The following BAG4 variants were observed in gnomAD, a reference collection of about 807,000 sequenced individuals.
BAG4 encodes BAG family molecular chaperone regulator 4.
In BAG4, 28 loss-of-function variants were observed where a neutral mutation model predicts 52.1. That is an observed-to-expected ratio of 0.54 (90% CI 0.40 to 0.74). BAG4 has a LOEUF of 0.74. Among genes scored for constraint, BAG4 ranks in the 30% least tolerant of loss-of-function variants. The pLI is 0.00. For missense variants in BAG4, 525 were observed against 572.0 expected, an observed-to-expected ratio of 0.92 and a Z score of 0.84; for synonymous variants, 208 against 217.0, an observed-to-expected ratio of 0.96 and a Z score of 0.37.
chr8:38,210,256 T>C lies in BAG4; in HGVS notation c.1137T>C (p.Ser379=), dbSNP rs1803844501. Residue 379 remains serine (S), a synonymous_variant, in exon 5 of 5, where the codon AGT becomes AGC. Transcript: ENST00000287322. The stretch of plus-strand genomic sequence containing the variant: ...CTTCAGATGAAAGTACTCCTCCGAG[T>C]ATTAAAAAAATCATACATGTGCTGG... ...CVPSDESTPP[S]IKKIIHVLEK... The C allele has an allele frequency of 6.2e-7, 1 of 1,613,920 alleles. No homozygotes were observed. Among genetic ancestry groups the C allele is most frequent in the African/African-American group, 1.3e-5 (1 of 74,864 alleles).
intron 1 of BAG4, among the ~76,000 whole-genome samples, chr8:38,186,747 G>T (rs1334153300): frequency 6.6e-6 from 1 of 152,130 alleles, no homozygotes; most frequent in Non-Finnish European, 1.5e-5. Flanking sequence ...CAATCAGCTG[G>T]AAATTAGTGA....
Position 38,209,225 on chromosome 8 carries a change from C to G in BAG4, c.846C>G (p.Gly282=). 6.2e-7 allele frequency: 1 copy of G among 1,614,188 alleles called. No homozygotes were observed. Among genetic ancestry groups the G allele is most frequent in the South Asian group, 1.1e-5 (1 of 91,084 alleles). ...GTACTTCACCATGGCCTAGCAGTGG[C>G]TCTCCCCAGTCACCCCCTTCACCCC... The part of the protein sequence containing the change: ...TESTSPWPSS[G]SPQSPPSPPV... The change falls in exon 4 of 5, where the codon GGC becomes GGG. Residue 282 remains glycine (G), a synonymous_variant. Transcript: ENST00000287322.
chr8:38,209,494 A>G, intron 4 of BAG4: 1 of 567,304 alleles, frequency 1.8e-6, no homozygotes, highest in Non-Finnish European at 3.0e-6. Flanking sequence ...AGACAGAAAG[A>G]TACACATTTT....
chr8:38,192,383 G>A (rs1238125923), intron 1 of BAG4, among the ~76,000 whole-genome samples: 1 of 152,118 alleles, frequency 6.6e-6, no homozygotes, highest in Non-Finnish European at 1.5e-5. Flanking sequence ...TAGAGCATTT[G>A]ATTTACCATG....
At chr8:38,196,661 A>T (rs1041787090) in intron 2 of BAG4, among the ~76,000 whole-genome samples, 3 of 152,240 alleles carry the variant, frequency 2.0e-5, no homozygotes, top group Admixed American at 6.5e-5. Flanking sequence ...AAAAAAAAAA[A>T]TTATAGCCAT....
In BAG4 at chr8:38,177,556, A is replaced by C. The variant is rs572518298; in HGVS notation, c.270+417A>C. Reference sequence around the variant, plus strand: ...CCGATGCCGCTCAGGGACCCTCCCGAGGGGAAGGAACCTTTGCGAGGAGGA... The same window carrying C: ...CCGATGCCGCTCAGGGACCCTCCCGCGGGGAAGGAACCTTTGCGAGGAGGA... On this transcript the variant is annotated intron_variant, in intron 1 of 4. Coordinates refer to ENST00000287322, the MANE Select transcript of BAG4 (RefSeq NM_004874.4). Among the ~76,000 whole-genome samples the C allele has an allele frequency of 2.0e-5, 3 of 152,258 alleles. No homozygotes were observed. The East Asian group carries it at 5.8e-4, about 29-fold the overall frequency.
intron 3 of BAG4, 51 bp from the exon 4 acceptor site, chr8:38,208,962 T>TTTA: frequency 6.4e-7 from 1 of 1,570,158 alleles, no homozygotes; most frequent in East Asian, 2.3e-5. Flanking sequence ...GCAGAATATT[T>TTTA]TTATTATAAG....
chr8:38,195,147 C>T (rs1803544214), intron 2 of BAG4, among the ~76,000 whole-genome samples: 1 of 150,762 alleles, frequency 6.6e-6, no homozygotes, highest in African/African-American at 2.4e-5. Context: ...AGCCACTGCA[C>T]CTGGCTTTTG....
At chr8:38,198,240 C>T (rs568403768) in intron 2 of BAG4, among the ~76,000 whole-genome samples, 9 of 150,578 alleles carry the variant, frequency 6.0e-5, no homozygotes, top group South Asian at 2.1e-4. Flanking sequence ...AAAAATTAGC[C>T]GGGCGAGGTG....
In BAG4 at chr8:38,177,254, G is replaced by T. The variant is rs1803176055; in HGVS notation, c.270+115G>T. ...ATGTGGAGGAGGGTGTGTTGCGGGG[G>T]GTGTTGGAGAGACCGAGACTAAGAT... is the stretch of plus-strand genomic sequence containing the variant. On this transcript the variant is annotated intron_variant, in intron 1 of 4. Transcript: ENST00000287322. 21 of 1,400,916 alleles carry T rather than the reference G, an allele frequency of 1.5e-5. 1 individual carries two copies. The South Asian group carries it at 2.7e-4, about 18-fold the overall frequency. The allele number at this position is 1,400,916 out of a possible 1,614,324, so 86.8% of individuals were successfully genotyped here. A position where few individuals can be genotyped will look rare whatever the true frequency, so the allele number is the denominator to read the frequency against.
chr8:38,201,850 A>T (rs1803668298), intron 2 of BAG4: 6 of 3,758 alleles, frequency 1.6e-3, no homozygotes, highest in Non-Finnish European at 4.1e-3. Flanking sequence ...ATATATATAT[A>T]TATATATATA....
chr8:38,187,195 G>C (rs1486351615), intron 1 of BAG4, among the ~76,000 whole-genome samples: 1 of 152,120 alleles, frequency 6.6e-6, no homozygotes, highest in Non-Finnish European at 1.5e-5. Context: ...TATGATTAAA[G>C]AAGCAAAGAA....
intron 1 of BAG4, among the ~76,000 whole-genome samples, chr8:38,185,701 G>C (rs1381243412): frequency 6.6e-6 from 1 of 152,062 alleles, no homozygotes; most frequent in Non-Finnish European, 1.5e-5. Flanking sequence ...AGTGGCTGGG[G>C]TTTCAGGTAT....
At chr8:38,200,353 C>T (rs1445772897) in intron 2 of BAG4, among the ~76,000 whole-genome samples, 1 of 152,064 alleles carries the variant, frequency 6.6e-6, no homozygotes, top group Admixed American at 6.5e-5. Flanking sequence ...TATTTCCAGA[C>T]TCTCAATTCT....
intron 1 of BAG4, among the ~76,000 whole-genome samples, chr8:38,190,268 T>A (rs1172437372): frequency 6.6e-6 from 1 of 152,216 alleles, no homozygotes; most frequent in African/African-American, 2.4e-5. Context: ...AGTTTAAAAA[T>A]TAAGATAGTA....
In BAG4 at chr8:38,211,859, T is replaced by C. The variant is rs559277839; in HGVS notation, c.*1366T>C. 8 of 152,266 alleles carry C rather than the reference T, an allele frequency of 5.3e-5. No homozygotes were observed. The highest frequency in any genetic ancestry group is 1.7e-4 in the African/African-American group (7 of 41,584). The allele number at this position is 152,266 out of a possible 1,614,324, so 9.4% of individuals were successfully genotyped here. On this transcript the variant is annotated 3_prime_UTR_variant, in exon 5 of 5. Coordinates refer to ENST00000287322, the MANE Select transcript of BAG4 (RefSeq NM_004874.4). ...TAGAAGAGACTTAGGTAAATAACTT[T>C]TTATGTCTGAGGTGAGTACACAATA...
rs530635719 is a variant in BAG4 at position 38,211,371 on chromosome 8, T to G, written c.*878T>G. On this transcript the variant is annotated 3_prime_UTR_variant, in exon 5 of 5. Coordinates refer to ENST00000287322, the MANE Select transcript of BAG4 (RefSeq NM_004874.4). Reference sequence around the variant, plus strand: ...CTTAAAAGTTATCTGTTTTTTCCTGTTTTTTTTTTTTTTCCCCAAAGTGTA... The same window carrying G: ...CTTAAAAGTTATCTGTTTTTTCCTGGTTTTTTTTTTTTTCCCCAAAGTGTA... 66 of 141,440 alleles carry G rather than the reference T, an allele frequency of 4.7e-4. No individual in the cohort carries two copies. Among genetic ancestry groups the G allele is most frequent in the African/African-American group, 1.5e-3 (60 of 39,010 alleles). 8.8% of individuals were successfully genotyped at this position (141,440 alleles called of 1,614,324 possible).
chr8:38,201,863 TATATATATA>T (rs1803674715), intron 2 of BAG4: 4 of 8,648 alleles, frequency 4.6e-4, no homozygotes, highest in Admixed American at 1.2e-3. Context: ...TATATATATA[TATATATATA>T]TATATATATT....
chr8:38,202,988 CA>C (rs1244368643), intron 2 of BAG4: 1 of 152,122 alleles, frequency 6.6e-6, no homozygotes, highest in African/African-American at 2.4e-5. Context: ...CTCCAAGTGT[CA>C]ACCTAAAATA....
Sources: allele counts gnomAD v4.1 joint callset (sites outside exome capture counted in the v4.1 genomes callset), GRCh38; gene constraint gnomAD v4.1.1; transcripts MANE v1.5; gene names NCBI Gene and HGNC (gene_info 2026-07-23, HGNC 2026-07-21).